Variants in SLC45A1 observed in about 807,000 individuals in gnomAD.
SLC45A1 encodes solute carrier family 45 member 1, also known as proton-associated sugar transporter A.
Under a neutral mutation model 57.6 loss-of-function variants are expected in SLC45A1, and 28 were observed. The ratio of observed to expected loss-of-function variants is 0.49; its 90% CI spans 0.36 to 0.67. SLC45A1 has a LOEUF of 0.67. SLC45A1 is among the 30% of genes least tolerant of loss of function. The pLI is 0.00. For missense variants in SLC45A1, 814 were observed against 1,041.5 expected, an observed-to-expected ratio of 0.78 and a Z score of 3.01; for synonymous variants, 459 against 471.5, an observed-to-expected ratio of 0.97 and a Z score of 0.34.
chr1:8,339,461 G>C, intron 7 of SLC45A1, 32 bp from the exon 8 acceptor site: 1 of 1,610,852 alleles, frequency 6.2e-7, no homozygotes. Flanking sequence ...CTCTGGCCGT[G>C]TGGCACTGCT....
At chr1:8,321,735 C>T (rs72864245) in intron 1 of SLC45A1, among the ~76,000 whole-genome samples, 5 of 150,336 alleles carry the variant, frequency 3.3e-5, no homozygotes, top group Non-Finnish European at 7.4e-5. Flanking sequence ...AAGAACGGGT[C>T]GGTGGATGTG....
In SLC45A1 at chr1:8,326,053, G is replaced by T. The variant is rs376139523; in HGVS notation, c.715+11G>T. ...ACGCCCTCCTGGCAGGTGAGTCTCC[G>T]CAGCAGGGCCGAAGCTGAATCTGCC... On this transcript the variant is annotated intron_variant, in intron 4 of 8. Transcript: ENST00000471889. The surrounding 1 kb of genome is among the most constrained non-coding windows in gnomAD (Gnocchi z 5.5). The T allele has an allele frequency of 6.3e-7, 1 of 1,596,282 alleles. No individual in the cohort carries two copies. The highest frequency in any genetic ancestry group is 1.1e-5 in the South Asian group (1 of 90,970).
intron 5 of SLC45A1, 71 bp downstream of exon 5, chr1:8,331,007 CAA>C (rs1640390107): frequency 2.7e-6 from 4 of 1,491,474 alleles, no homozygotes; most frequent in East Asian, 2.3e-5. Flanking sequence ...AGTTACATGA[CAA>C]AGAGGGAGAG....
chr1:8,330,368 C>T lies in SLC45A1; in HGVS notation c.875C>T (p.Pro292Leu), dbSNP rs766677852. 8.7e-6 allele frequency: 14 copies of T among 1,612,898 alleles called. No homozygotes were observed. Among genetic ancestry groups the T allele is most frequent in the African/African-American group, 4.0e-5 (3 of 74,898 alleles). Residue 292 changes from proline to leucine, a missense_variant, in exon 5 of 9, where the codon CCG (proline) becomes CTG (leucine). Coordinates refer to ENST00000471889, the MANE Select transcript of SLC45A1 (RefSeq NM_001080397.3). The surrounding 1 kb of genome is among the most constrained non-coding windows in gnomAD (Gnocchi z 8.4). ...ACCCTGGTCAGCATCCCTGAGAGGCCGCTGCGGCCGCCGAGTGAGAAGCGG... is the reference window on the plus strand; with the variant it reads ...ACCCTGGTCAGCATCCCTGAGAGGCTGCTGCGGCCGCCGAGTGAGAAGCGG... ...VLTLVSIPER[P>L]LRPPSEKRAA...
intron 8 of SLC45A1, among the ~76,000 whole-genome samples, chr1:8,342,390 G>A (rs1017237822): frequency 6.6e-6 from 1 of 152,098 alleles, no homozygotes; most frequent in African/African-American, 2.4e-5. Context: ...GAACAGTTTT[G>A]TCACCCCAGG....
Position 8,326,079 on chromosome 1 carries a change from G to A in SLC45A1, c.715+37G>A, listed in dbSNP as rs754663050. ...CAGCAGGGCCGAAGCTGAATCTGCC[G>A]GGCTGCAGGCTTCAGACGTGTGGCT... On this transcript the variant is annotated intron_variant, in intron 4 of 8. Coordinates refer to ENST00000471889, the MANE Select transcript of SLC45A1 (RefSeq NM_001080397.3). The surrounding 1 kb of genome is among the most constrained non-coding windows in gnomAD (Gnocchi z 5.5). 394 of 1,551,664 alleles carry A rather than the reference G, an allele frequency of 2.5e-4. No individual in the cohort carries two copies. The highest frequency in any genetic ancestry group is 1.7e-3 in the Middle Eastern group (9 of 5,260).
Position 8,330,469 on chromosome 1 carries a change from C to T in SLC45A1, c.976C>T (p.Leu326Phe). ...VLPEEGPGDS[L>F]PSHTATNFSS... Reference sequence around the variant, plus strand: ...GCCAGAGGAAGGCCCTGGCGACAGCCTCCCGTCGCACACGGCCACCAACTT... The same window carrying T: ...GCCAGAGGAAGGCCCTGGCGACAGCTTCCCGTCGCACACGGCCACCAACTT... The change falls in exon 5 of 9, where the codon CTC (leucine) becomes TTC (phenylalanine). Residue 326 changes from leucine to phenylalanine, a missense_variant. Transcript: ENST00000471889. This position sits in a 1 kb window ranked among gnomAD's most constrained non-coding sequence, Gnocchi z 8.4. 6.2e-7 allele frequency: 1 copy of T among 1,612,674 alleles called. No homozygotes were observed. The highest frequency in any genetic ancestry group is 8.5e-7 in the Non-Finnish European group (1 of 1,179,828).
chr1:8,339,461 G>A (rs751387312), intron 7 of SLC45A1, 32 bp from the exon 8 acceptor site: 11 of 1,610,732 alleles, frequency 6.8e-6, no homozygotes, highest in Non-Finnish European at 7.6e-6. Flanking sequence ...CTCTGGCCGT[G>A]TGGCACTGCT....
intron 1 of SLC45A1, among the ~76,000 whole-genome samples, chr1:8,318,450 A>G (rs1639891886): frequency 6.6e-6 from 1 of 151,702 alleles, no homozygotes; most frequent in Admixed American, 6.6e-5. Context: ...AGGGGAGGAG[A>G]CCCCGGCCTT....
chr1:8,343,901 C>G lies in SLC45A1; in HGVS notation c.2135C>G (p.Ser712Cys). Residue 712 changes from serine (S) to cysteine (C), a missense_variant, in exon 9 of 9, where the codon TCC (serine) becomes TGC (cysteine). Coordinates refer to ENST00000471889, the MANE Select transcript of SLC45A1 (RefSeq NM_001080397.3). The surrounding 1 kb of genome is among the most constrained non-coding windows in gnomAD (Gnocchi z 7.7). Reference sequence around the variant, plus strand: ...AGTGCCAACGGGGTGATGTACTTCTCCAGCCTCGTGTCCTTCCTGGGCTGC... The same window carrying G: ...AGTGCCAACGGGGTGATGTACTTCTGCAGCCTCGTGTCCTTCCTGGGCTGC... ...VGSANGVMYF[S>C]SLVSFLGCLY... is the part of the protein sequence containing the mutation. 1 of 1,614,194 alleles carries G rather than the reference C, an allele frequency of 6.2e-7. No individual in the cohort carries two copies. The highest frequency in any genetic ancestry group is 1.1e-5 in the South Asian group (1 of 91,084).
Position 8,343,703 on chromosome 1 carries a change from T to C in SLC45A1, c.1981-44T>C. On this transcript the variant is annotated intron_variant, in intron 8 of 8. Transcript: ENST00000471889. The surrounding 1 kb of genome is among the most constrained non-coding windows in gnomAD (Gnocchi z 7.7). ...CACACCGAGCTCGGTCACCCCGTGC[T>C]GGCCGCGGCGTGTCTCGCTGACACG... The C allele has an allele frequency of 6.3e-7, 1 of 1,576,252 alleles. No homozygotes were observed. The highest frequency in any genetic ancestry group is 2.3e-5 in the East Asian group (1 of 44,210).
intron 1 of SLC45A1, 22 bp downstream of exon 1, chr1:8,318,208 C>G (rs970275920): frequency 1.2e-5 from 5 of 422,964 alleles, no homozygotes; most frequent in African/African-American, 1.0e-4. Flanking sequence ...TCCTCCGCGC[C>G]CTCCGCCCGC....
At chr1:8,321,099 G>A (rs11583580) in intron 1 of SLC45A1, among the ~76,000 whole-genome samples, 35,661 of 152,090 alleles carry the variant, frequency 0.23, 4,342 homozygotes, top group Middle Eastern at 0.34. Flanking sequence ...GCTAACTGCT[G>A]CTTGGGGTTT....
At chr1:8,339,763 C>A in intron 8 of SLC45A1, 65 bp downstream of exon 8, 1 of 1,417,064 alleles carries the variant, frequency 7.1e-7, no homozygotes, top group Non-Finnish European at 1.0e-6. Context: ...GAGAACTGTC[C>A]CCCAGGACCA....
chr1:8,340,165 C>CTTTT (rs113004016), intron 8 of SLC45A1, among the ~76,000 whole-genome samples: 4 of 141,862 alleles, frequency 2.8e-5, no homozygotes, highest in Non-Finnish European at 6.2e-5. Context: ...TTCTTTCTTT[C>CTTTT]TTTTTTTTTT....
Position 8,335,567 on chromosome 1 carries a change from C to A in SLC45A1, c.1574C>A (p.Thr525Asn), listed in dbSNP as rs1395055886. The change falls in exon 6 of 9, where the codon ACC (threonine) becomes AAC (asparagine). Residue 525 changes from threonine to asparagine, a missense_variant. Coordinates refer to ENST00000471889, the MANE Select transcript of SLC45A1 (RefSeq NM_001080397.3). The surrounding 1 kb of genome is among the most constrained non-coding windows in gnomAD (Gnocchi z 4.1). ...TICNMPKALR[T>N]LCVNHFLGWL... ...TGCAACATGCCCAAGGCGCTACGCA[C>A]CCTCTGCGTCAACCACTTCCTGGGT... The A allele has an allele frequency of 1.9e-6, 3 of 1,605,208 alleles. No homozygotes were observed. Among genetic ancestry groups the A allele is most frequent in the East Asian group, 4.5e-5 (2 of 44,626 alleles).
chr1:8,339,728 T>TC, intron 8 of SLC45A1, 30 bp downstream of exon 8: 1 of 1,600,558 alleles, frequency 6.2e-7, no homozygotes, highest in South Asian at 1.1e-5. Flanking sequence ...TTGCTTCGGG[T>TC]CTGCTTCTTG....
At chr1:8,342,331 C>T (rs1640852032) in intron 8 of SLC45A1, among the ~76,000 whole-genome samples, 1 of 152,336 alleles carries the variant, frequency 6.6e-6, no homozygotes, top group African/African-American at 2.4e-5. Context: ...CACCGTTCGG[C>T]GGTTTCAGCA....
Position 8,330,501 on chromosome 1 carries a change from C to T in SLC45A1, c.1008C>T (p.Ser336=). 1.2e-6 allele frequency: 2 copies of T among 1,613,124 alleles called. No homozygotes were observed. Among genetic ancestry groups the T allele is most frequent in the Non-Finnish European group, 1.7e-6 (2 of 1,179,948 alleles). ...CGCACACGGCCACCAACTTCTCCAG[C>T]CCCATCTCGCCGCCCAGCCCCCTCA... The part of the protein sequence containing the change: ...LPSHTATNFS[S]PISPPSPLTP... The change falls in exon 5 of 9, where the codon AGC becomes AGT. Residue 336 remains serine (S), a synonymous_variant. Coordinates refer to ENST00000471889, the MANE Select transcript of SLC45A1 (RefSeq NM_001080397.3). This position sits in a 1 kb window ranked among gnomAD's most constrained non-coding sequence, Gnocchi z 8.4.
Sources: allele counts gnomAD v4.1 joint callset (sites outside exome capture counted in the v4.1 genomes callset), GRCh38; gene constraint gnomAD v4.1.1; non-coding constraint Gnocchi (gnomAD v3.1); transcripts MANE v1.5; gene names NCBI Gene and HGNC (gene_info 2026-07-23, HGNC 2026-07-21).